CAST: variants seen among roughly 807,000 people sequenced by gnomAD.
CAST encodes the protein calpastatin.
Under a neutral mutation model 119.6 loss-of-function variants are expected in CAST, and 76 were observed. That is an observed-to-expected ratio of 0.64 (90% CI 0.53 to 0.77). The LOEUF (loss-of-function observed/expected upper bound fraction) is 0.77, where lower values mean the gene tolerates loss of function less well. CAST is among the 30% of genes least tolerant of loss of function. The pLI, the probability that CAST is intolerant of heterozygous loss-of-function variation, is 0.00. For missense variants in CAST, 953 were observed against 946.5 expected (o/e 1.01, Z -0.09); for synonymous variants, 319 against 331.6 (o/e 0.96, Z 0.41).
At chr5:96,431,653 C>A in the CAST span, among the ~76,000 whole-genome samples, 12 of 152,222 alleles carry the variant, frequency 7.9e-5, no homozygotes, top group African/African-American at 2.4e-4. Context: ...ATTTTCCTTT[C>A]GGGCATTTCA....
At chr5:96,381,917 A>G in the CAST span, among the ~76,000 whole-genome samples, 3 of 152,214 alleles carry the variant, frequency 2.0e-5, no homozygotes, top group East Asian at 1.9e-4. Flanking sequence ...ATCAAGATAC[A>G]TAGAGTTATA....
At chr5:95,994,166 G>A in the CAST span, among the ~76,000 whole-genome samples, 1 of 152,090 alleles carries the variant, frequency 6.6e-6, no homozygotes, top group African/African-American at 2.4e-5. Context: ...TATTTTGTAG[G>A]TATTTGTCCA....
chr5:96,358,426 T>G, the CAST span, among the ~76,000 whole-genome samples: 109,539 of 152,018 alleles, frequency 0.72, 40,720 homozygotes, highest in African/African-American at 0.91. Flanking sequence ...TGATGTTAGG[T>G]TGTTGATTTT....
rs1460315355 is a variant in CAST, at chr5:96,675,540, A to G, written c.77A>G (p.His26Arg). The change falls in exon 2 of 32, where the codon CAT becomes CGT. Residue 26 changes from histidine (H) to arginine (R), a missense_variant and splice_region_variant. His to Arg is a conservative substitution (Grantham distance 29). Transcript: ENST00000675179. ...GCATTATTTTTTACTTTTTTATAGC[A>G]TGTCAGTGAAAAAACCAGTGAATCG... The part of the protein sequence containing the change: ...RAAAARRTHE[H>R]VSEKTSESPS... 1 of 1,611,058 alleles carries G rather than the reference A, an allele frequency of 6.2e-7. No individual in the cohort carries two copies. Among genetic ancestry groups the G allele is most frequent in the Middle Eastern group, 1.7e-4 (1 of 6,058 alleles).
At chr5:96,211,855 G>A in the CAST span, among the ~76,000 whole-genome samples, 74 of 152,118 alleles carry the variant, frequency 4.9e-4, no homozygotes, top group Middle Eastern at 3.4e-3. Context: ...TGAATTAGTT[G>A]TTGTACTTTG....
the CAST span, among the ~76,000 whole-genome samples, chr5:96,277,367 G>T: frequency 0.16 from 23,915 of 150,556 alleles, 2,708 homozygotes; most frequent in African/African-American, 0.31. Context: ...TTTTATATTG[G>T]TTTTTTTTTC....
chr5:96,319,891 G>T, the CAST span, among the ~76,000 whole-genome samples: 1 of 151,466 alleles, frequency 6.6e-6, no homozygotes, highest in African/African-American at 2.4e-5. Flanking sequence ...CAGCCGGGTG[G>T]TTTTTAATTA....
chr5:96,725,476 C>G (rs111563289), intron 4 of CAST, among the ~76,000 whole-genome samples: 1,845 of 152,234 alleles, frequency 0.012, 37 homozygotes, highest in South Asian at 0.033. Flanking sequence ...TTTAACTGCT[C>G]TAAACTCAAT....
At chr5:96,452,915 A>T in the CAST span, among the ~76,000 whole-genome samples, 1 of 123,048 alleles carries the variant, frequency 8.1e-6, no homozygotes, top group Non-Finnish European at 1.6e-5. Context: ...GCGCCACTGC[A>T]GTCCGCAGTC....
intron 1 of CAST, among the ~76,000 whole-genome samples, chr5:96,562,419 C>T (rs2150185097): frequency 6.6e-6 from 1 of 152,022 alleles, no homozygotes. Context: ...TAATTACAAC[C>T]ACAATGAAAT....
chr5:95,978,494 T>C, the CAST span, among the ~76,000 whole-genome samples: 7 of 152,180 alleles, frequency 4.6e-5, no homozygotes, highest in Non-Finnish European at 7.3e-5. Context: ...TTTTATGTGG[T>C]TGTTTTTTTT....
At chr5:96,658,029 G>T (rs555060108), upstream of CAST, among the ~76,000 whole-genome samples, 1 of 152,176 alleles carries the variant, frequency 6.6e-6, no homozygotes, top group South Asian at 2.1e-4. Context: ...AACCCAGGAG[G>T]TGGAGGTTGC....
Position 96,762,315 on chromosome 5 carries a change from G to A in CAST, c.1875G>A (p.Val625=), listed in dbSNP as rs755290356. ...DAKLAAAISE[V]VSQTPASTTQ... is the part of the protein sequence containing the mutation. ...AACTTGCTGCTGCCATCTCTGAAGT[G>A]GTTTCCCAAACCCCAGCTTCAACGA... Residue 625 remains valine (V), a synonymous_variant, in exon 25 of 32, where the codon GTG becomes GTA. Coordinates refer to ENST00000675179, the MANE Select transcript of CAST (RefSeq NM_001750.7). 6.2e-7 allele frequency: 1 copy of A among 1,608,836 alleles called. No individual in the cohort carries two copies. The highest frequency in any genetic ancestry group is 8.5e-7 in the Non-Finnish European group (1 of 1,178,380).
chr5:96,264,989 G>A, the CAST span, among the ~76,000 whole-genome samples: 13 of 152,216 alleles, frequency 8.5e-5, no homozygotes, highest in Admixed American at 2.0e-4. Flanking sequence ...TAAACATTCC[G>A]GTCCATGTAT....
At chr5:96,080,893 C>CTG in the CAST span, among the ~76,000 whole-genome samples, 2 of 152,142 alleles carry the variant, frequency 1.3e-5, no homozygotes, top group Non-Finnish European at 2.9e-5. Flanking sequence ...CTCTTAGCCC[C>CTG]TGTGTTATGT....
chr5:96,333,362 T>C, the CAST span, among the ~76,000 whole-genome samples: 2 of 152,118 alleles, frequency 1.3e-5, no homozygotes, highest in South Asian at 4.1e-4. Flanking sequence ...AAAACCAGAA[T>C]GAGCAGCCTT....
intron 2 of CAST, among the ~76,000 whole-genome samples, chr5:96,692,246 A>G (rs1160006518): frequency 6.6e-6 from 1 of 152,112 alleles, no homozygotes; most frequent in East Asian, 1.9e-4. Flanking sequence ...GCTGATGTTA[A>G]GGAGTATAAG....
chr5:96,009,154 A>T, the CAST span, among the ~76,000 whole-genome samples: 1 of 152,098 alleles, frequency 6.6e-6, no homozygotes, highest in Non-Finnish European at 1.5e-5. Flanking sequence ...CATTCTTTTT[A>T]TGGCTGCGTA....
At chr5:96,296,093 G>A in the CAST span, among the ~76,000 whole-genome samples, 1 of 152,104 alleles carries the variant, frequency 6.6e-6, no homozygotes, top group South Asian at 2.1e-4. Flanking sequence ...CAAATGTTTT[G>A]TATAGTTTTT....
Sources: gnomAD v4.1 joint callset for allele counts (sites outside exome capture counted in the v4.1 genomes callset) on GRCh38, gnomAD v4.1.1 for gene constraint, MANE v1.5 for transcripts, NCBI Gene and HGNC (gene_info 2026-07-23, HGNC 2026-07-21) for gene names.